SLC39A12: variants seen among roughly 807,000 people sequenced by gnomAD.
SLC39A12 encodes solute carrier family 39 member 12.
SLC39A12 carries 63 observed loss-of-function variants against 71.1 expected under a neutral mutation model. The observed-to-expected ratio is 0.89, with a 90% confidence interval of 0.72 to 1.09. The LOEUF is 1.09. Among genes scored for constraint, SLC39A12 ranks in the 50% least tolerant of loss-of-function variants. The pLI, the probability that SLC39A12 is intolerant of heterozygous loss-of-function variation, is 0.00. For missense variants in SLC39A12, 892 were observed against 812.6 expected (o/e 1.10, Z -1.19); for synonymous variants, 351 against 301.3 (o/e 1.16, Z -1.71).
At chr10:17,952,138 C>T (rs553203836) in intron 1 of SLC39A12, 113 bp downstream of exon 1, 1 of 152,278 alleles carries the variant, frequency 6.6e-6, no homozygotes, top group South Asian at 2.1e-4. Context: ...ATCCCAGTAC[C>T]TTTGTTACTA....
chr10:17,986,490 G>A (rs1205844433), intron 6 of SLC39A12, among the ~76,000 whole-genome samples: 1 of 152,106 alleles, frequency 6.6e-6, no homozygotes, highest in African/African-American at 2.4e-5. Context: ...ACTGGTGAAG[G>A]GAAGAACTCC....
intron 4 of SLC39A12, among the ~76,000 whole-genome samples, chr10:17,970,133 T>C (rs1437513611): frequency 6.6e-6 from 1 of 152,202 alleles, no homozygotes; most frequent in African/African-American, 2.4e-5. Flanking sequence ...CTTTATTGTG[T>C]TCCATTGGTC....
intron 2 of SLC39A12, among the ~76,000 whole-genome samples, chr10:17,954,165 C>A (rs1834480072): frequency 6.6e-6 from 1 of 152,194 alleles, no homozygotes; most frequent in African/African-American, 2.4e-5. Flanking sequence ...GGTTTCCCAG[C>A]ATACCCATGT....
At chr10:17,995,457 A>G (rs1418833827) in intron 9 of SLC39A12, among the ~76,000 whole-genome samples, 199 bp from the exon 10 acceptor site, 2 of 152,242 alleles carry the variant, frequency 1.3e-5, no homozygotes, top group Non-Finnish European at 2.9e-5. Context: ...TCATCTAAAT[A>G]TGAAGAGTGC....
chr10:18,003,234 T>G lies in SLC39A12; in HGVS notation c.1823T>G (p.Ile608Arg). 6.2e-7 allele frequency: 1 copy of G among 1,614,178 alleles called. No homozygotes were observed. The highest frequency in any genetic ancestry group is 8.5e-7 in the Non-Finnish European group (1 of 1,180,026). ...SMKTAILMNF[I>R]SSLTAFMGLY... is the part of the protein sequence containing the mutation. ...AAGACTGCCATCCTGATGAATTTTA[T>G]AAGCTCCCTAACTGCCTTCATGGGA... is the stretch of plus-strand genomic sequence containing the variant. Residue 608 changes from isoleucine (I) to arginine (R), a missense_variant, in exon 12 of 13, where the codon ATA (isoleucine) becomes AGA (arginine). Physicochemically the swap from Ile to Arg is moderately conservative, Grantham distance 97. Coordinates refer to ENST00000377369, the MANE Select transcript of SLC39A12 (RefSeq NM_001145195.2).
In SLC39A12 at chr10:17,956,608, C is replaced by T. The variant is rs565670268; in HGVS notation, c.261+3071C>T. On this transcript the variant is annotated intron_variant, in intron 2 of 12. Coordinates refer to ENST00000377369, the MANE Select transcript of SLC39A12 (RefSeq NM_001145195.2). ...CTTTTCCAGGGACACTAGAGCAGCGCCATTCCTCAGAATCTCCCACCCACC... is the reference window on the plus strand; with the variant it reads ...CTTTTCCAGGGACACTAGAGCAGCGTCATTCCTCAGAATCTCCCACCCACC... 2.0e-5 allele frequency among the ~76,000 whole-genome samples: 3 copies of T among 152,336 alleles called. No individual in the cohort carries two copies. The East Asian group carries it at 5.8e-4, about 29-fold the overall frequency.
chr10:18,011,766 G>C (rs953899264), intron 12 of SLC39A12, among the ~76,000 whole-genome samples: 1 of 152,346 alleles, frequency 6.6e-6, no homozygotes, highest in Non-Finnish European at 1.5e-5. Flanking sequence ...GCGTGTGACA[G>C]TGATGTGCTC....
chr10:17,964,222 T>A (rs1834765866), intron 3 of SLC39A12, among the ~76,000 whole-genome samples: 1 of 152,212 alleles, frequency 6.6e-6, no homozygotes, highest in Non-Finnish European at 1.5e-5. Flanking sequence ...AAGTTCAAAC[T>A]CTGTTATTTC....
chr10:17,965,835 T>G (rs1734473205), intron 4 of SLC39A12, 145 bp downstream of exon 4: 2 of 705,838 alleles, frequency 2.8e-6, no homozygotes, highest in Non-Finnish European at 4.6e-6. Flanking sequence ...GTCAGACAGC[T>G]TATGTGGCCT....
intron 12 of SLC39A12, among the ~76,000 whole-genome samples, chr10:18,012,865 C>CAAAA (rs35173291): frequency 5.7e-5 from 6 of 104,352 alleles, no homozygotes; most frequent in African/African-American, 1.8e-4. Context: ...GACTACGTCT[C>CAAAA]AAAAAAAAAA....
chr10:17,983,210 G>T (rs935817976), intron 6 of SLC39A12, among the ~76,000 whole-genome samples: 14 of 146,062 alleles, frequency 9.6e-5, no homozygotes, highest in Admixed American at 3.4e-4. Flanking sequence ...CTCTAGAAAG[G>T]CCAGGTGCAG....
At chr10:17,991,811 G>A (rs1835555122) in intron 8 of SLC39A12, among the ~76,000 whole-genome samples, 1 of 152,006 alleles carries the variant, frequency 6.6e-6, no homozygotes, top group African/African-American at 2.4e-5. Context: ...GATATGGGCC[G>A]GGCGCTGTGG....
intron 6 of SLC39A12, among the ~76,000 whole-genome samples, chr10:17,982,811 A>G (rs1165673893): frequency 6.6e-6 from 1 of 152,106 alleles, no homozygotes; most frequent in Non-Finnish European, 1.5e-5. Context: ...TCGGAAAAAA[A>G]TTGTGTCTCC....
rs1260297031 is a variant in SLC39A12 at position 17,977,906 on chromosome 10, A to G, written c.756A>G (p.Leu252=). 6.3e-7 allele frequency: 1 copy of G among 1,584,746 alleles called. No individual in the cohort carries two copies. Among genetic ancestry groups the G allele is most frequent in the Admixed American group, 1.9e-5 (1 of 52,530 alleles). Reference sequence around the variant, plus strand: ...GATTTTATATGAAATTTCTAGAACTAGACCAACTCCTCAACACTCTCTGGA... The same window carrying G: ...GATTTTATATGAAATTTCTAGAACTGGACCAACTCCTCAACACTCTCTGGA... ...NRTNTLRLSE[L]DQLLNTLWTR... The change falls in exon 5 of 13, where the codon CTA becomes CTG. Residue 252 remains leucine (L), a synonymous_variant. Transcript: ENST00000377369.
chr10:18,030,089 C>T (rs1005257115), intron 12 of SLC39A12, among the ~76,000 whole-genome samples: 2 of 150,702 alleles, frequency 1.3e-5, no homozygotes, highest in Admixed American at 1.3e-4. Flanking sequence ...GTCAGAAAAG[C>T]AGGTTTAGCT....
intron 12 of SLC39A12, among the ~76,000 whole-genome samples, chr10:18,038,748 T>G (rs1294961856): frequency 6.6e-6 from 1 of 152,206 alleles, no homozygotes; most frequent in African/African-American, 2.4e-5. Flanking sequence ...TGCTATAATT[T>G]ACAAGATATT....
chr10:17,982,825 C>G (rs886744254), intron 6 of SLC39A12, among the ~76,000 whole-genome samples: 1 of 152,042 alleles, frequency 6.6e-6, no homozygotes, highest in Non-Finnish European at 1.5e-5. Context: ...TGTCTCCTCT[C>G]GAATGAACTT....
chr10:17,976,011 G>A (rs1011590236), intron 4 of SLC39A12, among the ~76,000 whole-genome samples: 26 of 152,156 alleles, frequency 1.7e-4, no homozygotes, highest in African/African-American at 6.3e-4. Context: ...ACCCAGAGAT[G>A]CTCTCTGCAC....
At chr10:17,981,157 CA>C (rs1169905797) in intron 5 of SLC39A12, among the ~76,000 whole-genome samples, 154 bp from the exon 6 acceptor site, 2 of 152,188 alleles carry the variant, frequency 1.3e-5, no homozygotes, top group Non-Finnish European at 2.9e-5. Context: ...GAATTACGTA[CA>C]GCTGAAAGTT....
Sources: allele counts gnomAD v4.1 joint callset (sites outside exome capture counted in the v4.1 genomes callset), GRCh38; gene constraint gnomAD v4.1.1; transcripts MANE v1.5; gene names NCBI Gene and HGNC (gene_info 2026-07-23, HGNC 2026-07-21).